The following DIP2C variants were observed in gnomAD, a reference collection of about 807,000 sequenced individuals.
DIP2C encodes the protein disco-interacting protein 2 homolog C.
DIP2C carries 33 observed loss-of-function variants against 192.4 expected under a neutral mutation model. The observed-to-expected ratio is 0.17, with a 90% CI of 0.13 to 0.23. DIP2C has a LOEUF of 0.23. Among genes scored for constraint, DIP2C ranks in the 10% least tolerant of loss-of-function variants. The pLI is 1.00. For missense variants in DIP2C, 1,537 were observed against 2,110.1 expected, an observed-to-expected ratio of 0.73 and a Z score of 5.32; for synonymous variants, 979 against 864.1, an observed-to-expected ratio of 1.13 and a Z score of -2.33.
Position 666,840 on chromosome 10 carries a change from A to C in DIP2C, c.85+22654T>G, listed in dbSNP as rs1329474438. On this transcript the variant is annotated intron_variant, in intron 1 of 36. Coordinates refer to ENST00000280886, the MANE Select transcript of DIP2C (RefSeq NM_014974.3). This position sits in a 1 kb window ranked among gnomAD's most constrained non-coding sequence, Gnocchi z 4.1. ...TAGCTCCCCAGGAAATACCACAGGC[A>C]GACCCCGGCCGGCAAGCTGCCCCAA... 6.6e-6 allele frequency: 1 copy of C among 152,342 alleles called. No individual in the cohort carries two copies. The highest frequency in any genetic ancestry group is 1.5e-5 in the Non-Finnish European group (1 of 68,170). The allele number at this position is 152,342 out of a possible 1,614,324, so 9.4% of individuals were successfully genotyped here. A position where few individuals can be genotyped will look rare whatever the true frequency, so the allele number is the denominator to read the frequency against.
chr10:466,868 A>T (rs1202612904), intron 3 of DIP2C, among the ~76,000 whole-genome samples: 1 of 139,528 alleles, frequency 7.2e-6, no homozygotes, highest in African/African-American at 2.5e-5. Context: ...GCAATCATTA[A>T]AAAGTCAGGA....
chr10:327,787 C>G (rs767089752), intron 30 of DIP2C, among the ~76,000 whole-genome samples: 3 of 152,154 alleles, frequency 2.0e-5, no homozygotes, highest in Non-Finnish European at 4.4e-5. Context: ...CCCATTACGC[C>G]AAGAATTTCT....
intron 29 of DIP2C, 88 bp downstream of exon 29, chr10:341,111 C>T: frequency 1.9e-6 from 3 of 1,571,606 alleles, no homozygotes; most frequent in East Asian, 2.2e-5. Context: ...GGTGTGGGGG[C>T]AGTGCTTAGG....
rs776400360 is a variant in DIP2C, at chr10:399,078, C to T, written c.1260+31G>A. On this transcript the variant is annotated intron_variant, in intron 10 of 36. Transcript: ENST00000280886. Reference sequence around the variant, plus strand: ...CCACCGTGAAAGCCATCTCACTCAGCGAGAAACCGAGCAAAGGGCGCATTC... The same window carrying T: ...CCACCGTGAAAGCCATCTCACTCAGTGAGAAACCGAGCAAAGGGCGCATTC... 23 of 1,571,160 alleles carry T rather than the reference C, an allele frequency of 1.5e-5. No individual in the cohort carries two copies. The South Asian group carries it at 2.0e-4, about 14-fold the overall frequency.
intron 1 of DIP2C, among the ~76,000 whole-genome samples, chr10:602,110 A>G (rs1239291823): frequency 6.6e-6 from 1 of 151,834 alleles, no homozygotes; most frequent in Non-Finnish European, 1.5e-5. Flanking sequence ...CTTAACCATC[A>G]CTGTTTACAG....
At chr10:673,324 T>A (rs1488320614) in intron 1 of DIP2C, among the ~76,000 whole-genome samples, 1 of 152,236 alleles carries the variant, frequency 6.6e-6, no homozygotes, top group Non-Finnish European at 1.5e-5. Context: ...TCTCCTCATC[T>A]GTACAAAGAG....
At chr10:308,931 G>T (rs1380085490) in intron 32 of DIP2C, among the ~76,000 whole-genome samples, 2 of 152,224 alleles carry the variant, frequency 1.3e-5, no homozygotes, top group Non-Finnish European at 2.9e-5. Context: ...CCCCCCACCA[G>T]ATGCCAGCTG....
chr10:432,134 G>A (rs1007828620), intron 4 of DIP2C, among the ~76,000 whole-genome samples: 1 of 151,954 alleles, frequency 6.6e-6, no homozygotes, highest in Non-Finnish European at 1.5e-5. Flanking sequence ...TTTGTTGAAG[G>A]TTATTGCATC....
chr10:404,394 A>G (rs1218235221), intron 9 of DIP2C, among the ~76,000 whole-genome samples: 1 of 152,020 alleles, frequency 6.6e-6, no homozygotes, highest in African/African-American at 2.4e-5. Flanking sequence ...TATTTTTTGT[A>G]GATACAGGGT....
chr10:593,658 C>T (rs117862120), intron 1 of DIP2C, among the ~76,000 whole-genome samples: 303 of 152,168 alleles, frequency 2.0e-3, no homozygotes, highest in African/African-American at 5.8e-3. Flanking sequence ...TGGGATGTCA[C>T]GGGCGGGGTC....
intron 1 of DIP2C, among the ~76,000 whole-genome samples, chr10:507,395 C>T (rs868370945): frequency 1.3e-5 from 2 of 151,790 alleles, no homozygotes; most frequent in African/African-American, 4.8e-5. Context: ...ACCTAGTCAC[C>T]AGCTGTGCCC....
intron 1 of DIP2C, among the ~76,000 whole-genome samples, chr10:521,191 C>T (rs1254427945): frequency 6.6e-6 from 1 of 152,106 alleles, no homozygotes; most frequent in African/African-American, 2.4e-5. Context: ...TGATTTTAAG[C>T]AGATCAAGCA....
intron 32 of DIP2C, among the ~76,000 whole-genome samples, chr10:300,855 G>T (rs537935353): frequency 6.6e-6 from 1 of 152,168 alleles, no homozygotes; most frequent in African/African-American, 2.4e-5. Flanking sequence ...GGCCCTGAGC[G>T]TGTGGAGAAA....
intron 32 of DIP2C, among the ~76,000 whole-genome samples, chr10:303,214 G>A (rs1484839632): frequency 6.6e-6 from 1 of 151,816 alleles, no homozygotes; most frequent in Non-Finnish European, 1.5e-5. Flanking sequence ...TGCGGCTGTA[G>A]ACTTTGTAAA....
At chr10:595,806 G>GAAGCTC (rs1191704664) in intron 1 of DIP2C, among the ~76,000 whole-genome samples, 1 of 152,152 alleles carries the variant, frequency 6.6e-6, no homozygotes, top group Non-Finnish European at 1.5e-5. Context: ...ATGATCCTTC[G>GAAGCTC]AAGCTCAAGC....
chr10:287,975 C>T (rs1412841621), intron 33 of DIP2C, among the ~76,000 whole-genome samples: 4 of 152,308 alleles, frequency 2.6e-5, no homozygotes, highest in Admixed American at 1.3e-4. Context: ...GGAACCTTCT[C>T]TATGGTCTGC....
chr10:446,413 G>A (rs1968222063), intron 3 of DIP2C, among the ~76,000 whole-genome samples: 1 of 151,868 alleles, frequency 6.6e-6, no homozygotes, highest in Non-Finnish European at 1.5e-5. Context: ...GGTCCACTGG[G>A]CATCTGTATA....
intron 1 of DIP2C, among the ~76,000 whole-genome samples, chr10:632,935 C>T (rs1026920540): frequency 1.3e-5 from 2 of 151,792 alleles, no homozygotes; most frequent in Non-Finnish European, 1.5e-5. Flanking sequence ...CCGGTGTGAA[C>T]CCAGACTCCA....
chr10:419,990 G>T (rs572227801), intron 5 of DIP2C, among the ~76,000 whole-genome samples: 1 of 152,138 alleles, frequency 6.6e-6, no homozygotes, highest in South Asian at 2.1e-4. Flanking sequence ...CACTGATGAC[G>T]CCCGTCACAC....
Sources: allele counts gnomAD v4.1 joint callset (sites outside exome capture counted in the v4.1 genomes callset), GRCh38; gene constraint gnomAD v4.1.1; non-coding constraint Gnocchi (gnomAD v3.1); transcripts MANE v1.5; gene names NCBI Gene and HGNC (gene_info 2026-07-23, HGNC 2026-07-21).